The following MBTPS1 variants were observed in gnomAD, a reference collection of about 807,000 sequenced individuals.
MBTPS1 encodes membrane bound transcription factor peptidase, site 1, also known as membrane-bound transcription factor site-1 protease.
Under a neutral mutation model 127.8 loss-of-function variants are expected in MBTPS1, and 94 were observed. The ratio of observed to expected loss-of-function variants is 0.74; its 90% CI spans 0.62 to 0.87. MBTPS1 has a LOEUF of 0.87. Ranked by LOEUF, MBTPS1 falls within the 40% of genes least tolerant of loss-of-function variation. The pLI, the probability that MBTPS1 is intolerant of heterozygous loss-of-function variation, is 0.00. For synonymous variants in MBTPS1, 632 were observed against 509.4 expected, an observed-to-expected ratio of 1.24 and a Z score of -3.24; for missense variants, 1,636 against 1,353.2, an observed-to-expected ratio of 1.21 and a Z score of -3.28.
At chr16:84,095,108 C>T (rs1033764944) in intron 4 of MBTPS1, among the ~76,000 whole-genome samples, 2 of 152,212 alleles carry the variant, frequency 1.3e-5, no homozygotes, top group Non-Finnish European at 2.9e-5. Flanking sequence ...AACAAATCAT[C>T]AGCAGGTGTG....
intron 3 of MBTPS1, among the ~76,000 whole-genome samples, chr16:84,096,202 AT>A (rs2086177782): frequency 1.3e-5 from 2 of 152,170 alleles, no homozygotes; most frequent in Non-Finnish European, 2.9e-5. Flanking sequence ...ATTGAGTTTT[AT>A]TTTTACTATA....
rs748764686 is a variant in MBTPS1, at chr16:84,093,311, A to G, written c.737-14T>C. On this transcript the variant is annotated splice_polypyrimidine_tract_variant and intron_variant, in intron 5 of 22. Transcript: ENST00000343411. Reference sequence around the variant, plus strand: ...CATGGCCCAACCCTGCAGTCCATAAAGAAAACAATCCCATAAAACACACTG... The same window carrying G: ...CATGGCCCAACCCTGCAGTCCATAAGGAAAACAATCCCATAAAACACACTG... 51 of 1,554,308 alleles carry G rather than the reference A, an allele frequency of 3.3e-5. No homozygotes were observed. Among genetic ancestry groups the G allele is most frequent in the Non-Finnish European group, 4.5e-5 (51 of 1,125,368 alleles).
rs2085948207 is a variant in MBTPS1, at chr16:84,081,915, G to A, written c.1287-7C>T. On this transcript the variant is annotated splice_region_variant and splice_polypyrimidine_tract_variant and intron_variant, in intron 10 of 22. Coordinates refer to ENST00000343411, the MANE Select transcript of MBTPS1 (RefSeq NM_003791.4). ...CTCACGCTTCTGGACTGTGCTGGAGGAAAAATCAAGAATTGCCTATTTTCT... is the reference window on the plus strand; with the variant it reads ...CTCACGCTTCTGGACTGTGCTGGAGAAAAAATCAAGAATTGCCTATTTTCT... 2.2e-6 allele frequency: 3 copies of A among 1,378,652 alleles called. No homozygotes were observed. Among genetic ancestry groups the A allele is most frequent in the South Asian group, 1.9e-5 (1 of 52,758 alleles). The allele number at this position is 1,378,652 out of a possible 1,614,324, so 85.4% of individuals were successfully genotyped here.
rs994557842 is a variant in MBTPS1, at chr16:84,074,752, G to A, written c.1449-11C>T. ...TAGCTGGGGCTCAAACTGAAATAAA[G>A]AATACAGTGTTAGAGTAGATCATAT... On this transcript the variant is annotated splice_polypyrimidine_tract_variant and intron_variant, in intron 11 of 22. Coordinates refer to ENST00000343411, the MANE Select transcript of MBTPS1 (RefSeq NM_003791.4). 3 of 1,611,690 alleles carry A rather than the reference G, an allele frequency of 1.9e-6. No homozygotes were observed. Among genetic ancestry groups the A allele is most frequent in the Non-Finnish European group, 2.5e-6 (3 of 1,178,736 alleles).
At chr16:84,078,287 C>G (rs2085890634) in intron 11 of MBTPS1, among the ~76,000 whole-genome samples, 1 of 149,648 alleles carries the variant, frequency 6.7e-6, no homozygotes, top group African/African-American at 2.5e-5. Context: ...CAACCCGGAC[C>G]AGCAGTGCCA....
rs777830242 is a variant in MBTPS1 at position 84,101,815 on chromosome 16, T to C, written c.-32A>G. Reference sequence around the variant, plus strand: ...AAGCGAATATGATCATAAAATTGCATATATTCAAATCACACTTTTTTCTTC... The same window carrying C: ...AAGCGAATATGATCATAAAATTGCACATATTCAAATCACACTTTTTTCTTC... On this transcript the variant is annotated 5_prime_UTR_variant, in exon 2 of 23. In the 5' UTR this introduces an upstream ATG that the reference lacks. Transcript: ENST00000343411. 2.5e-6 allele frequency: 4 copies of C among 1,585,188 alleles called. No homozygotes were observed. The highest frequency in any genetic ancestry group is 2.6e-6 in the Non-Finnish European group (3 of 1,162,256).
chr16:84,090,532 C>T (rs982994337), intron 8 of MBTPS1, among the ~76,000 whole-genome samples: 5 of 152,190 alleles, frequency 3.3e-5, no homozygotes, highest in African/African-American at 1.2e-4. Context: ...CTCATCAACA[C>T]TGCAGAATCC....
chr16:84,065,052 C>G (rs1035874135), intron 18 of MBTPS1, among the ~76,000 whole-genome samples: 2 of 151,818 alleles, frequency 1.3e-5, no homozygotes, highest in African/African-American at 2.4e-5. Flanking sequence ...CCTTGGTAAT[C>G]TGGCAATCAC....
In MBTPS1 at chr16:84,054,497, G is replaced by C; in HGVS notation, c.3111C>G (p.Arg1037=). The change falls in exon 23 of 23, where the codon CGC becomes CGG. Residue 1037 remains arginine (R), a synonymous_variant. Transcript: ENST00000343411. ...GGTGAACCTGCTGCATGAGCTGCGG[G>C]CGCTTCACCCTGGGCTTCCTCCGCT... ...RPKRRKPRVK[R]PQLMQQVHPP... is the part of the protein sequence containing the mutation. 1 of 1,613,212 alleles carries C rather than the reference G, an allele frequency of 6.2e-7. No individual in the cohort carries two copies. Among genetic ancestry groups the C allele is most frequent in the Non-Finnish European group, 8.5e-7 (1 of 1,179,546 alleles).
intron 17 of MBTPS1, among the ~76,000 whole-genome samples, chr16:84,066,031 A>G (rs1467339154): frequency 6.6e-6 from 1 of 152,202 alleles, no homozygotes; most frequent in Admixed American, 6.5e-5. Context: ...TAGGTTTCTG[A>G]ATAGATGTTA....
In MBTPS1 at chr16:84,068,341, T is replaced by C. The variant is rs767212725; in HGVS notation, c.2069A>G (p.Tyr690Cys). Reference sequence around the variant, plus strand: ...GCTAGCACAGCAGTGCCACTTACCATACTGACTGGCATCAAAACACGTGAA... The same window carrying C: ...GCTAGCACAGCAGTGCCACTTACCACACTGACTGGCATCAAAACACGTGAA... ...APFTCFDASQYGTLLMVDSEE... is the reference protein window; with the variant it reads ...APFTCFDASQCGTLLMVDSEE... Residue 690 changes from tyrosine to cysteine, a missense_variant and splice_region_variant, in exon 15 of 23, where the codon TAT (tyrosine) becomes TGT (cysteine). Physicochemically the swap from Tyr to Cys is radical, Grantham distance 194 (BLOSUM62 -2). Transcript: ENST00000343411. 7 of 1,604,294 alleles carry C rather than the reference T, an allele frequency of 4.4e-6. No homozygotes were observed. In the African/African-American group the frequency reaches 9.4e-5, roughly 21 times the overall value.
Position 84,093,268 on chromosome 16 carries a change from C to T in MBTPS1, c.766G>A (p.Val256Met). 2 of 1,613,926 alleles carry T rather than the reference C, an allele frequency of 1.2e-6. No homozygotes were observed. The highest frequency in any genetic ancestry group is 8.5e-7 in the Non-Finnish European group (1 of 1,179,782). Residue 256 changes from valine to methionine, a missense_variant, in exon 6 of 23, where the codon GTG becomes ATG. Transcript: ENST00000343411. Reference protein sequence around the residue: ...GLGHGTFVAGVIASMRECQGF... With the variant: ...GLGHGTFVAGMIASMRECQGF... ...TGGCACTCCCTCATGCTGGCTATCACACCTGCCACGAATGTGCCATGGCCC... is the reference window on the plus strand; with the variant it reads ...TGGCACTCCCTCATGCTGGCTATCATACCTGCCACGAATGTGCCATGGCCC...
At position 84,070,004 on chromosome 16, in the gene MBTPS1, T is replaced by A. The variant is rs1330801514; in HGVS notation, c.1817A>T (p.Lys606Met). 6.2e-7 allele frequency: 1 copy of A among 1,613,892 alleles called. No homozygotes were observed. Among genetic ancestry groups the A allele is most frequent in the South Asian group, 1.1e-5 (1 of 91,018 alleles). Residue 606 changes from lysine (K) to methionine (M), a missense_variant, in exon 14 of 23, where the codon AAG becomes ATG. By Grantham distance (95) the Lys-to-Met change is moderately conservative (BLOSUM62 -1). Transcript: ENST00000343411. Reference sequence around the variant, plus strand: ...AATTATCTTCACCTTAATGGGGAGCTTTACTGTTGAAGTCTGTTCTGCACC... The same window carrying A: ...AATTATCTTCACCTTAATGGGGAGCATTACTGTTGAAGTCTGTTCTGCACC... The part of the protein sequence containing the change: ...KNGAEQTSTV[K>M]LPIKVKIIPT...
intron 21 of MBTPS1, among the ~76,000 whole-genome samples, chr16:84,058,227 GT>G: frequency 6.6e-6 from 1 of 152,368 alleles, no homozygotes; most frequent in Middle Eastern, 3.4e-3. Context: ...CGGTCAGTGC[GT>G]GGTGTGTTCA....
chr16:84,092,281 G>A (rs958092081), intron 6 of MBTPS1, among the ~76,000 whole-genome samples: 5 of 152,354 alleles, frequency 3.3e-5, no homozygotes, highest in African/African-American at 9.6e-5. Context: ...AATGGCAGCA[G>A]TAACAGTTAT....
intron 8 of MBTPS1, among the ~76,000 whole-genome samples, chr16:84,089,521 T>C (rs1482299291): frequency 2.6e-5 from 4 of 152,336 alleles, no homozygotes; most frequent in South Asian, 4.1e-4. Flanking sequence ...GTTTGAACAG[T>C]AGAAATACGC....
At position 84,074,645 on chromosome 16, in the gene MBTPS1, A is replaced by T; in HGVS notation, c.1545T>A (p.Asn515Lys). The change falls in exon 12 of 23, where the codon AAT becomes AAA. Residue 515 changes from asparagine to lysine, a missense_variant. Coordinates refer to ENST00000343411, the MANE Select transcript of MBTPS1 (RefSeq NM_003791.4). ...CTCCCATGCCGTTGAGGATGGTGACATTAACAACTGTCGGCATTCCTCCAT... is the reference window on the plus strand; with the variant it reads ...CTCCCATGCCGTTGAGGATGGTGACTTTAACAACTGTCGGCATTCCTCCAT... Reference protein sequence around the residue: ...IYYGGMPTVVNVTILNGMGVT... With the variant: ...IYYGGMPTVVKVTILNGMGVT... The T allele has an allele frequency of 6.2e-7, 1 of 1,614,212 alleles. No individual in the cohort carries two copies. The highest frequency in any genetic ancestry group is 2.2e-5 in the East Asian group (1 of 44,886).
In MBTPS1 at chr16:84,087,404, A is replaced by C; in HGVS notation, c.1088T>G (p.Phe363Cys). The stretch of plus-strand genomic sequence containing the variant: ...AGAAAAGCGGGCGATGTTATCTTCA[A>C]AGTCAATGCCGCCTACTCCAATCAC... ...MDVIGVGGID[F>C]EDNIARFSSR... The change falls in exon 9 of 23, where the codon TTT becomes TGT. Residue 363 changes from phenylalanine to cysteine, a missense_variant. Coordinates refer to ENST00000343411, the MANE Select transcript of MBTPS1 (RefSeq NM_003791.4). The C allele has an allele frequency of 6.2e-7, 1 of 1,613,886 alleles. No individual in the cohort carries two copies. Among genetic ancestry groups the C allele is most frequent in the Non-Finnish European group, 8.5e-7 (1 of 1,179,960 alleles).
chr16:84,086,035 G>A (rs549045935), intron 9 of MBTPS1: 12 of 152,286 alleles, frequency 7.9e-5, no homozygotes, highest in East Asian at 1.9e-4. Context: ...GGGGCAAAAC[G>A]AAAATTAGAA....
Sources: gnomAD v4.1 joint callset for allele counts (sites outside exome capture counted in the v4.1 genomes callset) on GRCh38, gnomAD v4.1.1 for gene constraint, MANE v1.5 for transcripts, NCBI Gene and HGNC (gene_info 2026-07-23, HGNC 2026-07-21) for gene names.